The following HABP4 variants were observed in gnomAD, a reference collection of about 807,000 sequenced individuals.
The protein encoded by HABP4 is intracellular hyaluronan-binding protein 4.
Under a neutral mutation model 44.1 loss-of-function variants are expected in HABP4, and 32 were observed. The observed-to-expected ratio is 0.73, with a 90% CI of 0.55 to 0.97. HABP4 has a LOEUF of 0.97. Ranked by LOEUF, HABP4 falls within the 50% of genes least tolerant of loss-of-function variation. HABP4 has a pLI of 0.00. For missense variants in HABP4, 503 were observed against 561.9 expected (o/e 0.90, Z 1.06); for synonymous variants, 216 against 218.0 (o/e 0.99, Z 0.08).
Position 96,488,269 on chromosome 9 carries a change from G to C in HABP4, c.1180G>C (p.Val394Leu), listed in dbSNP as rs755320085. The change falls in exon 7 of 8, where the codon GTG becomes CTG. Residue 394 changes from valine (V) to leucine (L), a missense_variant. By Grantham distance (32) the Val-to-Leu change is conservative. Coordinates refer to ENST00000375249, the MANE Select transcript of HABP4 (RefSeq NM_014282.4). The surrounding 1 kb of genome is among the most constrained non-coding windows in gnomAD (Gnocchi z 4.6). ...RAENYGPRAE[V>L]VMQDVAPNPD... ...AGAGAACTATGGACCCAGAGCAGAA[G>C]TGGTGGTAGGTGTCTGTATTGACGG... 1.5e-5 allele frequency: 24 copies of C among 1,608,764 alleles called. 1 individual carries two copies. Among genetic ancestry groups the C allele is most frequent in the Non-Finnish European group, 2.0e-5 (23 of 1,176,906 alleles).
Position 96,488,203 on chromosome 9 carries a change from AGAG to A in HABP4, c.1119_1121del (p.Gly374del), listed in dbSNP as rs776702932. On this transcript the variant is annotated inframe_deletion, in exon 7 of 8. Transcript: ENST00000375249. The surrounding 1 kb of genome is among the most constrained non-coding windows in gnomAD (Gnocchi z 4.6). Reference sequence around the variant, plus strand: ...CCTCCCTCGTCCTGGGCGTGGAGCCAGAGGAGGCACCCGGGGAGGCCGGGGAAG... The same window carrying A: ...CCTCCCTCGTCCTGGGCGTGGAGCCAGAGGCACCCGGGGAGGCCGGGGAAG... 71 of 1,613,496 alleles carry A rather than the reference AGAG, an allele frequency of 4.4e-5. No homozygotes were observed. Among genetic ancestry groups the A allele is most frequent in the Non-Finnish European group, 5.7e-5 (67 of 1,179,506 alleles).
intron 1 of HABP4, chr9:96,451,422 TG>T: frequency 1.0e-6 from 1 of 972,380 alleles, no homozygotes; most frequent in African/African-American, 1.8e-5. Context: ...ACTGCGTCAG[TG>T]GCAGAGCCAG....
chr9:96,452,115 T>A (rs1342739768), intron 1 of HABP4, among the ~76,000 whole-genome samples: 1 of 151,392 alleles, frequency 6.6e-6, no homozygotes, highest in Non-Finnish European at 1.5e-5. Flanking sequence ...TAGGTCCAGC[T>A]ACTCGGGAGG....
chr9:96,460,947 TA>T (rs1832490614), intron 2 of HABP4, among the ~76,000 whole-genome samples: 1 of 152,160 alleles, frequency 6.6e-6, no homozygotes, highest in Non-Finnish European at 1.5e-5. Flanking sequence ...ATAAAACATA[TA>T]AAGTTTTATT....
chr9:96,450,532 G>C lies in HABP4; in HGVS notation c.253G>C (p.Ala85Pro). Residue 85 changes from alanine (A) to proline (P), a missense_variant, in exon 1 of 8, where the codon GCG becomes CCG. By Grantham distance (27) the Ala-to-Pro change is conservative. Coordinates refer to ENST00000375249, the MANE Select transcript of HABP4 (RefSeq NM_014282.4). This position sits in a 1 kb window ranked among gnomAD's most constrained non-coding sequence, Gnocchi z 4.8. Reference protein sequence around the residue: ...PAGASGHRAGAGGRRESQKER... With the variant: ...PAGASGHRAGPGGRRESQKER... ...CGGGGCCTCGGGCCACAGAGCCGGC[G>C]CGGGCGGCCGGAGGGAGTCGCAGAA... is the stretch of plus-strand genomic sequence containing the variant. 1 of 1,233,576 alleles carries C rather than the reference G, an allele frequency of 8.1e-7. No homozygotes were observed. The highest frequency in any genetic ancestry group is 1.0e-6 in the Non-Finnish European group (1 of 988,078). The allele number at this position is 1,233,576 out of a possible 1,614,324, so 76.4% of individuals were successfully genotyped here.
chr9:96,489,982 A>G lies in HABP4; in HGVS notation c.1186A>G (p.Met396Val). The change falls in exon 8 of 8, where the codon ATG becomes GTG. Residue 396 changes from methionine (M) to valine (V), a missense_variant and splice_region_variant. Transcript: ENST00000375249. The part of the protein sequence containing the change: ...ENYGPRAEVV[M>V]QDVAPNPDDP... ...TCAAAGTATTTCTTTTTTTCTTTAGATGCAAGATGTTGCCCCCAACCCAGA... is the reference window on the plus strand; with the variant it reads ...TCAAAGTATTTCTTTTTTTCTTTAGGTGCAAGATGTTGCCCCCAACCCAGA... 6.4e-7 allele frequency: 1 copy of G among 1,573,854 alleles called. No homozygotes were observed. The highest frequency in any genetic ancestry group is 8.7e-7 in the Non-Finnish European group (1 of 1,143,274).
Position 96,471,075 on chromosome 9 carries a change from G to A in HABP4, c.808G>A (p.Glu270Lys). 1 of 1,586,974 alleles carries A rather than the reference G, an allele frequency of 6.3e-7. No individual in the cohort carries two copies. Among genetic ancestry groups the A allele is most frequent in the Non-Finnish European group, 8.7e-7 (1 of 1,155,302 alleles). ...GGTGGAGGAGTCCCAGGGCACCCCG[G>A]AAGAGGAGTCTCCAGCCAAGTAGGG... ...TVVEESQGTP[E>K]EESPAKVPEL... Residue 270 changes from glutamate (E) to lysine (K), a missense_variant, in exon 5 of 8, where the codon GAA becomes AAA. By Grantham distance (56) the Glu-to-Lys change is moderately conservative. Coordinates refer to ENST00000375249, the MANE Select transcript of HABP4 (RefSeq NM_014282.4).
chr9:96,471,692 T>C (rs1042714554), intron 5 of HABP4, among the ~76,000 whole-genome samples: 1 of 152,192 alleles, frequency 6.6e-6, no homozygotes, highest in Non-Finnish European at 1.5e-5. Flanking sequence ...GGACCTCTAG[T>C]GTCTTGTCCC....
At chr9:96,471,968 T>C (rs1039020249) in intron 5 of HABP4, among the ~76,000 whole-genome samples, 8 of 152,082 alleles carry the variant, frequency 5.3e-5, no homozygotes, top group Admixed American at 2.6e-4. Flanking sequence ...TTTGTATTTT[T>C]AGTAGAGACG....
intron 4 of HABP4, among the ~76,000 whole-genome samples, chr9:96,469,012 G>A (rs1282681951): frequency 1.3e-5 from 2 of 152,198 alleles, no homozygotes; most frequent in African/African-American, 2.4e-5. Context: ...TGCTGTAGTC[G>A]AGTATTCCTA....
At chr9:96,456,587 C>T (rs1358360128) in intron 1 of HABP4, among the ~76,000 whole-genome samples, 3 of 150,970 alleles carry the variant, frequency 2.0e-5, no homozygotes, top group African/African-American at 4.9e-5. Flanking sequence ...GGTGAAACCC[C>T]GTCTCTACTA....
Position 96,450,238 on chromosome 9 carries a change from T to G in HABP4, c.-42T>G. 3.0e-6 allele frequency: 4 copies of G among 1,330,580 alleles called. No individual in the cohort carries two copies. Among genetic ancestry groups the G allele is most frequent in the Non-Finnish European group, 3.9e-6 (4 of 1,031,358 alleles). The allele number at this position is 1,330,580 out of a possible 1,614,324, so 82.4% of individuals were successfully genotyped here. A position where few individuals can be genotyped will look rare whatever the true frequency, so the allele number is the denominator to read the frequency against. Reference sequence around the variant, plus strand: ...GGCCGCCGGCTTCGCTGAGACGCGCTCGCGTGGGCTGCCCTCCCGGGCCCG... The same window carrying G: ...GGCCGCCGGCTTCGCTGAGACGCGCGCGCGTGGGCTGCCCTCCCGGGCCCG... On this transcript the variant is annotated 5_prime_UTR_variant, in exon 1 of 8. Coordinates refer to ENST00000375249, the MANE Select transcript of HABP4 (RefSeq NM_014282.4). The surrounding 1 kb of genome is among the most constrained non-coding windows in gnomAD (Gnocchi z 4.8).
intron 1 of HABP4, among the ~76,000 whole-genome samples, chr9:96,454,031 C>G (rs572127027): frequency 6.6e-6 from 1 of 152,190 alleles, no homozygotes; most frequent in Non-Finnish European, 1.5e-5. Context: ...GATAATTATT[C>G]TAATAAGTAG....
chr9:96,452,398 C>T (rs1221278209), intron 1 of HABP4, among the ~76,000 whole-genome samples: 11 of 152,080 alleles, frequency 7.2e-5, no homozygotes. Flanking sequence ...TTCCTACTAA[C>T]ACTTTGCATT....
Position 96,488,565 on chromosome 9 carries a change from A to G in HABP4, c.1185+291A>G, listed in dbSNP as rs574747121. Among the ~76,000 whole-genome samples, 1 of 152,228 alleles carries G rather than the reference A, an allele frequency of 6.6e-6. No individual in the cohort carries two copies. The highest frequency in any genetic ancestry group is 1.9e-4 in the East Asian group (1 of 5,180). The stretch of plus-strand genomic sequence containing the variant: ...ATCCCCAGGCTTGGGATTGAACTGG[A>G]GCACCTGACGTTTTGCTTACTGTGG... On this transcript the variant is annotated intron_variant, in intron 7 of 7. Transcript: ENST00000375249. This position sits in a 1 kb window ranked among gnomAD's most constrained non-coding sequence, Gnocchi z 4.6.
chr9:96,452,381 C>G (rs188120756), intron 1 of HABP4, among the ~76,000 whole-genome samples: 9 of 152,088 alleles, frequency 5.9e-5, no homozygotes, highest in African/African-American at 2.2e-4. Context: ...TGAAAATCCT[C>G]TTATTTTTCC....
At position 96,456,938 on chromosome 9, in the gene HABP4, T is replaced by C. The variant is rs560893265; in HGVS notation, c.350-1441T>C. Among the ~76,000 whole-genome samples the C allele has an allele frequency of 2.5e-4, 38 of 150,790 alleles. 1 individual carries two copies. The South Asian group carries it at 7.8e-3, about 31-fold the overall frequency. ...ACATAGTGAGAGGAGATCTTTTAAA[T>C]GTATATAAAAAAAGATAGACTTTTT... On this transcript the variant is annotated intron_variant, in intron 1 of 7. Coordinates refer to ENST00000375249, the MANE Select transcript of HABP4 (RefSeq NM_014282.4).
chr9:96,453,753 A>G (rs1156529963), intron 1 of HABP4, among the ~76,000 whole-genome samples: 1 of 152,206 alleles, frequency 6.6e-6, no homozygotes, highest in Non-Finnish European at 1.5e-5. Context: ...TGATGAATGC[A>G]TGTGCCAGCC....
At chr9:96,489,920 A>T in intron 7 of HABP4, 62 bp from the exon 8 acceptor site, 1 of 1,018,310 alleles carries the variant, frequency 9.8e-7, no homozygotes, top group Non-Finnish European at 1.6e-6. Flanking sequence ...TTGTTATCCC[A>T]CTGGGATATC....
Sources: allele counts gnomAD v4.1 joint callset (sites outside exome capture counted in the v4.1 genomes callset), GRCh38; gene constraint gnomAD v4.1.1; non-coding constraint Gnocchi (gnomAD v3.1); transcripts MANE v1.5; gene names NCBI Gene and HGNC (gene_info 2026-07-23, HGNC 2026-07-21).